PLCB4: variants seen among roughly 807,000 people sequenced by gnomAD.
The protein encoded by PLCB4 is 1-phosphatidylinositol 4,5-bisphosphate phosphodiesterase beta-4.
A neutral mutation model predicts 178.8 loss-of-function variants in PLCB4; 77 were observed. The ratio of observed to expected loss-of-function variants is 0.43; its 90% CI spans 0.36 to 0.52. PLCB4 has a LOEUF of 0.52. Ranked by LOEUF, PLCB4 falls within the 20% of genes least tolerant of loss-of-function variation. The pLI is 0.00. For missense variants in PLCB4, 1,024 were observed against 1,453.4 expected, an observed-to-expected ratio of 0.70 and a Z score of 4.80; for synonymous variants, 496 against 490.8, an observed-to-expected ratio of 1.01 and a Z score of -0.14.
intron 16 of PLCB4, 87 bp from the exon 17 acceptor site, chr20:9,390,444 A>C (rs1276056321): frequency 1.4e-5 from 9 of 628,528 alleles, no homozygotes; most frequent in African/African-American, 3.7e-5. Flanking sequence ...CCAAGTGAGA[A>C]TCTTTAATTG....
intron 3 of PLCB4, among the ~76,000 whole-genome samples, chr20:9,222,626 A>G (rs1360740491): frequency 6.6e-6 from 1 of 152,258 alleles, no homozygotes; most frequent in African/African-American, 2.4e-5. Flanking sequence ...TTAACTTAGC[A>G]TATCCAAATA....
intron 2 of PLCB4, among the ~76,000 whole-genome samples, chr20:9,214,556 C>T (rs1430251978): frequency 8.4e-6 from 1 of 118,972 alleles, no homozygotes; most frequent in Non-Finnish European, 1.7e-5. Context: ...ACATAAACAC[C>T]CCAGACACAC....
At chr20:9,140,566 G>T (rs1207602721) in intron 2 of PLCB4, among the ~76,000 whole-genome samples, 1 of 151,738 alleles carries the variant, frequency 6.6e-6, no homozygotes, top group Non-Finnish European at 1.5e-5. Flanking sequence ...GAGGTATTTG[G>T]GTCATGGGAG....
intron 36 of PLCB4, among the ~76,000 whole-genome samples, chr20:9,470,509 T>A (rs2044117227): frequency 6.6e-6 from 1 of 152,160 alleles, no homozygotes; most frequent in Admixed American, 6.5e-5. Context: ...AAGTGAAATA[T>A]AGAATTAACC....
intron 1 of PLCB4, among the ~76,000 whole-genome samples, chr20:9,093,875 G>A (rs946806540): frequency 2.0e-5 from 3 of 151,992 alleles, no homozygotes; most frequent in African/African-American, 7.2e-5. Flanking sequence ...AGTGTCACAT[G>A]GCCCCTTTTT....
chr20:9,195,989 A>G (rs1601066350), intron 2 of PLCB4, among the ~76,000 whole-genome samples: 1 of 152,266 alleles, frequency 6.6e-6, no homozygotes, highest in South Asian at 2.1e-4. Context: ...GATTCAGACA[A>G]CCTTGCATCA....
chr20:9,428,728 C>G (rs947461458), intron 28 of PLCB4, among the ~76,000 whole-genome samples: 2 of 151,898 alleles, frequency 1.3e-5, no homozygotes, highest in East Asian at 3.9e-4. Context: ...TAGAGGGGAA[C>G]GGGAGGGAAC....
chr20:9,261,053 T>A (rs1338932361), intron 3 of PLCB4, among the ~76,000 whole-genome samples: 1 of 152,136 alleles, frequency 6.6e-6, no homozygotes, highest in Non-Finnish European at 1.5e-5. Context: ...CTTTATCCCA[T>A]CCTTTCAGTC....
rs988050061 is a variant in PLCB4, at chr20:9,323,517, A to G, written c.85-13609A>G. Among the ~76,000 whole-genome samples, 6 of 152,344 alleles carry G rather than the reference A, an allele frequency of 3.9e-5. 1 individual carries two copies. In the South Asian group the frequency reaches 1.0e-3, roughly 26 times the overall value. ...TGATCCAGCAATTCCTTAGTTACTT[A>G]TCTGAGACTGAAATTCATTGATATT... On this transcript the variant is annotated intron_variant, in intron 4 of 39. Coordinates refer to ENST00000378473, the MANE Select transcript of PLCB4 (RefSeq NM_001377142.1).
chr20:9,166,458 G>C (rs2092972584), intron 2 of PLCB4: 1 of 152,228 alleles, frequency 6.6e-6, no homozygotes, highest in Admixed American at 6.5e-5. Context: ...TGTGGGCACT[G>C]TTTGCCCAGC....
intron 32 of PLCB4, 112 bp from the exon 33 acceptor site, chr20:9,453,235 C>A: frequency 1.5e-6 from 1 of 659,354 alleles, no homozygotes; most frequent in Non-Finnish European, 2.7e-6. Flanking sequence ...TTTGGTTATT[C>A]CTTGACTTTC....
chr20:9,204,195 C>T (rs2093587832), intron 2 of PLCB4, among the ~76,000 whole-genome samples: 1 of 151,684 alleles, frequency 6.6e-6, no homozygotes, highest in African/African-American at 2.4e-5. Context: ...GTCGTTGAGC[C>T]CAGTTTACAT....
chr20:9,416,345 C>T (rs1224712010), intron 25 of PLCB4, among the ~76,000 whole-genome samples: 2 of 152,136 alleles, frequency 1.3e-5, no homozygotes, highest in Non-Finnish European at 2.9e-5. Flanking sequence ...TCTCTGGACA[C>T]TCACTTCCCA....
chr20:9,140,384 T>C (rs2092463621), intron 2 of PLCB4, among the ~76,000 whole-genome samples: 1 of 152,114 alleles, frequency 6.6e-6, no homozygotes, highest in African/African-American at 2.4e-5. Flanking sequence ...GGCAGAGGAA[T>C]GTGTCTGTCT....
intron 2 of PLCB4, among the ~76,000 whole-genome samples, chr20:9,182,649 G>T (rs2093266334): frequency 6.6e-6 from 1 of 152,166 alleles, no homozygotes; most frequent in African/African-American, 2.4e-5. Flanking sequence ...TTGGCCTGTT[G>T]TCTCTAGGAA....
At position 9,365,522 on chromosome 20, in the gene PLCB4, A is replaced by G; in HGVS notation, c.503+8A>G. On this transcript the variant is annotated splice_region_variant and intron_variant, in intron 9 of 39. Coordinates refer to ENST00000378473, the MANE Select transcript of PLCB4 (RefSeq NM_001377142.1). Reference sequence around the variant, plus strand: ...TAAAATTCCAGTTAGGAGGTAAGTAATCATTCCTATCTGCTGTCCGTGTCC... The same window carrying G: ...TAAAATTCCAGTTAGGAGGTAAGTAGTCATTCCTATCTGCTGTCCGTGTCC... The G allele has an allele frequency of 6.4e-7, 1 of 1,562,310 alleles. No homozygotes were observed.
In PLCB4 at chr20:9,459,577, T is replaced by C. The variant is rs956400824; in HGVS notation, c.3073-58T>C. The C allele has an allele frequency of 3.9e-6, 5 of 1,290,464 alleles. No individual in the cohort carries two copies. The African/African-American group carries it at 7.3e-5, about 19-fold the overall frequency. 79.9% of individuals were successfully genotyped at this position (1,290,464 alleles called of 1,614,324 possible). A position where few individuals can be genotyped will look rare whatever the true frequency, so the allele number is the denominator to read the frequency against. On this transcript the variant is annotated intron_variant, in intron 34 of 39. Coordinates refer to ENST00000378473, the MANE Select transcript of PLCB4 (RefSeq NM_001377142.1). ...AAATACCTGAATAATGTTGTGCTTT[T>C]GGGTTCATACCTGACCTATGAGGAT...
At chr20:9,467,221 T>C (rs1192082868) in intron 35 of PLCB4, among the ~76,000 whole-genome samples, 2 of 152,126 alleles carry the variant, frequency 1.3e-5, no homozygotes, top group Non-Finnish European at 2.9e-5. Flanking sequence ...TAGGTGGGAA[T>C]TGAACAGTGA....
At chr20:9,394,034 GC>G (rs2038370985) in intron 18 of PLCB4, among the ~76,000 whole-genome samples, 2 of 152,064 alleles carry the variant, frequency 1.3e-5, no homozygotes, top group South Asian at 4.2e-4. Context: ...TTTTCAGTTT[GC>G]CCCGTGCTCT....
Sources: gnomAD v4.1 joint callset for allele counts (sites outside exome capture counted in the v4.1 genomes callset) on GRCh38, gnomAD v4.1.1 for gene constraint, MANE v1.5 for transcripts, NCBI Gene and HGNC (gene_info 2026-07-23, HGNC 2026-07-21) for gene names.